Variants in DSG4 observed in about 807,000 individuals in gnomAD.
DSG4 encodes desmoglein 4.
Under a neutral mutation model 93.1 loss-of-function variants are expected in DSG4, and 87 were observed. That is an observed-to-expected ratio of 0.93 (90% CI 0.79 to 1.12). DSG4 has a LOEUF of 1.12. DSG4 is among the 50% of genes most tolerant of loss of function. The pLI, the probability that DSG4 is intolerant of heterozygous loss-of-function variation, is 0.00. For missense variants in DSG4, 1,373 were observed against 1,285.7 expected (o/e 1.07, Z -1.04); for synonymous variants, 432 against 452.9 (o/e 0.95, Z 0.59).
In DSG4 at chr18:31,414,410, T is replaced by G. The variant is rs2072534385; in HGVS notation, c.*815T>G. On this transcript the variant is annotated 3_prime_UTR_variant, in exon 16 of 16. Transcript: ENST00000308128. ...GTCAGAAAAATACATGAAATATGGC[T>G]TAACCAATTTCATTGACCTGAATCG... is the stretch of plus-strand genomic sequence containing the variant. 6.6e-6 allele frequency: 1 copy of G among 152,206 alleles called. No individual in the cohort carries two copies. Among genetic ancestry groups the G allele is most frequent in the South Asian group, 2.1e-4 (1 of 4,826 alleles). The allele number at this position is 152,206 out of a possible 1,614,324, so 9.4% of individuals were successfully genotyped here.
At chr18:31,412,337 A>G (rs2072503785) in intron 15 of DSG4, among the ~76,000 whole-genome samples, 1 of 152,220 alleles carries the variant, frequency 6.6e-6, no homozygotes, top group Non-Finnish European at 1.5e-5. Flanking sequence ...TCATGGAGAT[A>G]GAGAGTAGAA....
Position 31,413,303 on chromosome 18 carries a change from A to G in DSG4, c.2831A>G (p.Tyr944Cys), listed in dbSNP as rs973768707. Reference protein sequence around the residue: ...VVTEAVMAPVYDIQGNICVPA... With the variant: ...VVTEAVMAPVCDIQGNICVPA... The stretch of plus-strand genomic sequence containing the variant: ...ACCGAAGCAGTAATGGCACCTGTCT[A>G]TGATATTCAAGGGAATATTTGTGTA... The change falls in exon 16 of 16, where the codon TAT becomes TGT. Residue 944 changes from tyrosine (Y) to cysteine (C), a missense_variant. Coordinates refer to ENST00000308128, the MANE Select transcript of DSG4 (RefSeq NM_177986.5). 4.3e-6 allele frequency: 7 copies of G among 1,614,082 alleles called. No individual in the cohort carries two copies. The highest frequency in any genetic ancestry group is 1.3e-5 in the African/African-American group (1 of 74,920).
intron 11 of DSG4, among the ~76,000 whole-genome samples, chr18:31,405,118 T>A (rs1447525826): frequency 6.6e-6 from 1 of 152,228 alleles, no homozygotes; most frequent in African/African-American, 2.4e-5. Flanking sequence ...CTGAGGATAA[T>A]AAACCATCAT....
Position 31,390,909 on chromosome 18 carries a change from A to G in DSG4, c.684+87A>G, listed in dbSNP as rs890181183. 3.2e-5 allele frequency: 49 copies of G among 1,533,174 alleles called. No homozygotes were observed. The Middle Eastern group carries it at 5.7e-4, about 18-fold the overall frequency. The allele number at this position is 1,533,174 out of a possible 1,614,324, so 95.0% of individuals were successfully genotyped here. A position where few individuals can be genotyped will look rare whatever the true frequency, so the allele number is the denominator to read the frequency against. ...ATGATCCATGTGTACCCTTACTCCA[A>G]TATAAAGGAGGGAAGAAAAATAATC... On this transcript the variant is annotated intron_variant, in intron 6 of 15. Transcript: ENST00000308128.
chr18:31,403,285 G>T, intron 10 of DSG4, 131 bp from the exon 11 acceptor site: 1 of 761,570 alleles, frequency 1.3e-6, no homozygotes, highest in Non-Finnish European at 2.3e-6. Flanking sequence ...ACTGAAGCGG[G>T]CAGGAACCTG....
rs1294848558 is a variant in DSG4 at position 31,390,800 on chromosome 18, T to G, written c.662T>G (p.Met221Arg). ...LNRYTGEVCT[M>R]SSFLDREQHS... ...AGGTACACTGGAGAAGTCTGCACCA[T>G]GTCCAGTTTCTTGGACAGAGAGGTA... is the stretch of plus-strand genomic sequence containing the variant. Residue 221 changes from methionine to arginine, a missense_variant, in exon 6 of 16, where the codon ATG becomes AGG. Met to Arg is a moderately conservative substitution (Grantham distance 91, BLOSUM62 -1). Transcript: ENST00000308128. 2 of 1,613,686 alleles carry G rather than the reference T, an allele frequency of 1.2e-6. No individual in the cohort carries two copies. Among genetic ancestry groups the G allele is most frequent in the Admixed American group, 3.3e-5 (2 of 59,966 alleles).
At chr18:31,391,732 C>T (rs1252135446) in intron 7 of DSG4, among the ~76,000 whole-genome samples, 1 of 151,924 alleles carries the variant, frequency 6.6e-6, no homozygotes, top group Non-Finnish European at 1.5e-5. Flanking sequence ...CATGCCTTTA[C>T]ATATTGTCTA....
Position 31,413,516 on chromosome 18 carries a change from A to C in DSG4, c.3044A>C (p.Gln1015Pro). Residue 1015 changes from glutamine (Q) to proline (P), a missense_variant, in exon 16 of 16, where the codon CAA becomes CCA. Gln to Pro is a moderately conservative substitution (Grantham distance 76, BLOSUM62 -1). Coordinates refer to ENST00000308128, the MANE Select transcript of DSG4 (RefSeq NM_177986.5). ...QMMSPDLPIG[Q>P]TVGSTSPMTS... The stretch of plus-strand genomic sequence containing the variant: ...ATGAGTCCAGACCTTCCCATAGGCC[A>C]AACCGTTGGCTCCACATCCCCCATG... 6.2e-7 allele frequency: 1 copy of C among 1,614,056 alleles called. No homozygotes were observed. The highest frequency in any genetic ancestry group is 1.3e-5 in the African/African-American group (1 of 75,022).
chr18:31,397,658 CTA>C (rs2072319697), intron 8 of DSG4, among the ~76,000 whole-genome samples: 1 of 152,022 alleles, frequency 6.6e-6, no homozygotes, highest in Admixed American at 6.6e-5. Context: ...GGGGAGAGAA[CTA>C]TTAATATTCT....
chr18:31,411,865 A>G (rs2072497913), intron 15 of DSG4, among the ~76,000 whole-genome samples: 1 of 152,150 alleles, frequency 6.6e-6, no homozygotes, highest in Non-Finnish European at 1.5e-5. Context: ...AGAAAATAAA[A>G]AGAATTGGGA....
chr18:31,392,981 T>C (rs945543865), intron 8 of DSG4, among the ~76,000 whole-genome samples: 11 of 152,226 alleles, frequency 7.2e-5, no homozygotes, highest in Non-Finnish European at 1.5e-4. Flanking sequence ...ATACCGGCTT[T>C]GATTTTTTTC....
In DSG4 at chr18:31,399,284, G is replaced by A. The variant is rs751522954; in HGVS notation, c.1018G>A (p.Glu340Lys). The change falls in exon 9 of 16, where the codon GAA (glutamate) becomes AAA (lysine). Residue 340 changes from glutamate to lysine, a missense_variant. Physicochemically the swap from Glu to Lys is moderately conservative, Grantham distance 56 (BLOSUM62 1). Coordinates refer to ENST00000308128, the MANE Select transcript of DSG4 (RefSeq NM_177986.5). Reference protein sequence around the residue: ...ILKVVKMLDYEQAPNIQLSIG... With the variant: ...ILKVVKMLDYKQAPNIQLSIG... The stretch of plus-strand genomic sequence containing the variant: ...TCTTTCATTTCAGATGCTGGATTAT[G>A]AACAAGCACCTAACATTCAGCTTAG... 1 of 1,613,660 alleles carries A rather than the reference G, an allele frequency of 6.2e-7. No individual in the cohort carries two copies. Among genetic ancestry groups the A allele is most frequent in the Non-Finnish European group, 8.5e-7 (1 of 1,179,842 alleles).
intron 14 of DSG4, 131 bp downstream of exon 14, chr18:31,409,939 G>C (rs2072467901): frequency 9.3e-7 from 1 of 1,079,714 alleles, no homozygotes; most frequent in Non-Finnish European, 1.4e-6. Context: ...TAGAGGGAAT[G>C]TGACCTGTTT....
rs370177706 is a variant in DSG4, at chr18:31,386,760, A to G, written c.157A>G (p.Lys53Glu). The change falls in exon 3 of 16, where the codon AAG becomes GAG. Residue 53 changes from lysine to glutamate, a missense_variant. By Grantham distance (56) the Lys-to-Glu change is moderately conservative. Coordinates refer to ENST00000308128, the MANE Select transcript of DSG4 (RefSeq NM_177986.5). ...CAGAAGACAAAAGCGGGAGTGGATC[A>G]AGTTTGCCGCAGCCTGTCGAGAAGG... ...TVRRQKREWI[K>E]FAAACREGED... is the part of the protein sequence containing the mutation. 9.9e-6 allele frequency: 16 copies of G among 1,613,412 alleles called. No homozygotes were observed. The African/African-American group carries it at 1.3e-4, about 13-fold the overall frequency.
chr18:31,388,447 AT>A lies in DSG4; in HGVS notation c.299del (p.Phe100SerfsTer16). 2 of 1,613,656 alleles carry A rather than the reference AT, an allele frequency of 1.2e-6. No homozygotes were observed. The highest frequency in any genetic ancestry group is 1.7e-6 in the Non-Finnish European group (2 of 1,179,674). On this transcript the variant is annotated frameshift_variant, in exon 4 of 16. Transcript: ENST00000308128. LOFTEE classifies it high-confidence loss of function. ...VGIDRPPYGV[F>X]TINPRTGEIN... is the part of the protein sequence containing the mutation. ...GGATTGATCGACCACCATATGGGGT[AT>A]TCACCATTAATCCTCGCACTGGGGA...
Position 31,409,610 on chromosome 18 carries a change from T to A in DSG4, c.2073+19T>A, listed in dbSNP as rs1279205303. On this transcript the variant is annotated intron_variant, in intron 13 of 15. Transcript: ENST00000308128. ...GGACAGGGTAAGTGGACTGTCACTC[T>A]CCAGAGAAGTGTGGAGTTTCAGTGG... 1.9e-6 allele frequency: 3 copies of A among 1,614,238 alleles called. No individual in the cohort carries two copies. In the East Asian group the frequency reaches 6.7e-5, roughly 36 times the overall value.
rs769650327 is a variant in DSG4 at position 31,388,872 on chromosome 18, A to G, written c.373-2A>G. ...AGATGGCTTTTTTCCAATTTTCCAC[A>G]GATCTATTGCCGGGCTCTGAATTCA... On this transcript the variant is annotated splice_acceptor_variant, in intron 4 of 15. Transcript: ENST00000308128. LOFTEE classifies it high-confidence loss of function. The G allele has an allele frequency of 6.2e-7, 1 of 1,613,584 alleles. No individual in the cohort carries two copies. Among genetic ancestry groups the G allele is most frequent in the South Asian group, 1.1e-5 (1 of 91,070 alleles).
Position 31,401,021 on chromosome 18 carries a change from G to T in DSG4, c.1417+1G>T. The T allele has an allele frequency of 6.3e-7, 1 of 1,590,994 alleles. No individual in the cohort carries two copies. The highest frequency in any genetic ancestry group is 8.6e-7 in the Non-Finnish European group (1 of 1,168,236). On this transcript the variant is annotated splice_donor_variant, in intron 10 of 15. Transcript: ENST00000308128. LOFTEE classifies it high-confidence loss of function. ...ACAGCAGAGATCCTGGCTATAGATGGTAAGAAAATTTATTTTCAGTATTTT... is the reference window on the plus strand; with the variant it reads ...ACAGCAGAGATCCTGGCTATAGATGTTAAGAAAATTTATTTTCAGTATTTT...
Position 31,388,995 on chromosome 18 carries a change from G to T in DSG4, c.494G>T (p.Ser165Ile). 6.2e-7 allele frequency: 1 copy of T among 1,613,342 alleles called. No homozygotes were observed. Among genetic ancestry groups the T allele is most frequent in the Non-Finnish European group, 8.5e-7 (1 of 1,179,500 alleles). ...PVFSQSVYTA[S>I]IEENSDANTL... Reference sequence around the variant, plus strand: ...TTTTCGCAAAGTGTATACACAGCCAGCATTGAAGAAAATAGTGATGCCAGT... The same window carrying T: ...TTTTCGCAAAGTGTATACACAGCCATCATTGAAGAAAATAGTGATGCCAGT... The change falls in exon 5 of 16, where the codon AGC (serine) becomes ATC (isoleucine). Residue 165 changes from serine to isoleucine, a missense_variant. Transcript: ENST00000308128.
Sources: gnomAD v4.1 joint callset for allele counts (sites outside exome capture counted in the v4.1 genomes callset) on GRCh38, gnomAD v4.1.1 for gene constraint, MANE v1.5 for transcripts, NCBI Gene and HGNC (gene_info 2026-07-23, HGNC 2026-07-21) for gene names.